The following NYAP2 variants were observed in gnomAD, a reference collection of about 807,000 sequenced individuals.
NYAP2 encodes the protein neuronal tyrosine-phosphorylated phosphoinositide-3-kinase adapter 2.
NYAP2 carries 23 observed loss-of-function variants against 50.4 expected under a neutral mutation model. That is an observed-to-expected ratio of 0.46 (90% CI 0.33 to 0.65). NYAP2 has a LOEUF of 0.65. Ranked by LOEUF, NYAP2 falls within the 30% of genes least tolerant of loss-of-function variation. The pLI is 0.02. For missense variants in NYAP2, 885 were observed against 861.0 expected, an observed-to-expected ratio of 1.03 and a Z score of -0.35; for synonymous variants, 394 against 365.2, an observed-to-expected ratio of 1.08 and a Z score of -0.90.
intron 3 of NYAP2, among the ~76,000 whole-genome samples, chr2:225,468,384 A>AT (rs1401706716): frequency 1.3e-5 from 2 of 152,196 alleles, no homozygotes; most frequent in Admixed American, 1.3e-4. Context: ...CATTTCTGTT[A>AT]TTTTAAGCCA....
At chr2:225,560,499 C>T (rs544779216) in intron 4 of NYAP2, among the ~76,000 whole-genome samples, 88 of 152,216 alleles carry the variant, frequency 5.8e-4, no homozygotes, top group African/African-American at 2.1e-3. Flanking sequence ...ATACATGATG[C>T]TAAATTGCCC....
chr2:225,538,797 T>TTC (rs1691400677), intron 4 of NYAP2, among the ~76,000 whole-genome samples: 1 of 40,530 alleles, frequency 2.5e-5, no homozygotes, highest in Non-Finnish European at 4.7e-5. Context: ...TTTCTTTCTT[T>TTC]CTTTCTTTCT....
rs930978678 is a variant in NYAP2, at chr2:225,538,631, C to A, written c.523+24959C>A. 5.3e-5 allele frequency among the ~76,000 whole-genome samples: 8 copies of A among 152,306 alleles called. No homozygotes were observed. In the South Asian group the frequency reaches 1.7e-3, roughly 32 times the overall value. On this transcript the variant is annotated intron_variant, in intron 4 of 6. Transcript: ENST00000636099. ...TCTAGGCTTGTAATGGGAGAGGTTG[C>A]TGTGAAGACCTCTGACATGCTCTGG... is the stretch of plus-strand genomic sequence containing the variant.
At chr2:225,407,674 A>G (rs377125071) in intron 2 of NYAP2, among the ~76,000 whole-genome samples, 1 of 152,130 alleles carries the variant, frequency 6.6e-6, no homozygotes, top group East Asian at 1.9e-4. Flanking sequence ...ATATTTAATA[A>G]TATCTTTCTA....
chr2:225,507,351 T>C (rs1341050891), intron 3 of NYAP2, among the ~76,000 whole-genome samples: 1 of 152,220 alleles, frequency 6.6e-6, no homozygotes, highest in Non-Finnish European at 1.5e-5. Context: ...TTTGTTTTTG[T>C]CTTCGAAAGG....
chr2:225,432,252 T>G (rs1392949927), intron 3 of NYAP2, among the ~76,000 whole-genome samples: 2 of 148,668 alleles, frequency 1.3e-5, no homozygotes, highest in Non-Finnish European at 3.0e-5. Flanking sequence ...CGCTTTAGCC[T>G]CCCAAAGTGC....
chr2:225,496,684 A>C (rs777042827), intron 3 of NYAP2, among the ~76,000 whole-genome samples: 6 of 152,104 alleles, frequency 3.9e-5, no homozygotes, highest in Non-Finnish European at 7.4e-5. Context: ...TCTTTCCAAT[A>C]AGGAAGCTGT....
At chr2:225,554,420 A>G (rs1400209547) in intron 4 of NYAP2, among the ~76,000 whole-genome samples, 8 of 151,684 alleles carry the variant, frequency 5.3e-5, no homozygotes, top group Non-Finnish European at 1.2e-4. Context: ...TCCCAGGTTC[A>G]AGAAATTCTC....
intron 3 of NYAP2, among the ~76,000 whole-genome samples, chr2:225,493,184 G>T (rs933110108): frequency 1.3e-5 from 2 of 152,076 alleles, no homozygotes; most frequent in African/African-American, 2.4e-5. Context: ...TAGGGGTCTT[G>T]CCATGTTGCC....
chr2:225,611,085 G>A (rs1692875381), intron 5 of NYAP2, among the ~76,000 whole-genome samples: 1 of 152,098 alleles, frequency 6.6e-6, no homozygotes, highest in Non-Finnish European at 1.5e-5. Context: ...AGAGAATGGG[G>A]CAGGAAGCAA....
intron 6 of NYAP2, among the ~76,000 whole-genome samples, chr2:225,640,108 C>T (rs1693500719): frequency 6.6e-6 from 1 of 152,138 alleles, no homozygotes; most frequent in African/African-American, 2.4e-5. Context: ...ACAGAGTCAG[C>T]TAATTTATGA....
At chr2:225,551,909 T>C (rs969739853) in intron 4 of NYAP2, among the ~76,000 whole-genome samples, 2 of 151,996 alleles carry the variant, frequency 1.3e-5, no homozygotes, top group African/African-American at 4.8e-5. Flanking sequence ...GCCTCCCGGG[T>C]TCAAGCAATT....
chr2:225,534,955 G>C (rs551857461), intron 4 of NYAP2, among the ~76,000 whole-genome samples: 1 of 152,306 alleles, frequency 6.6e-6, no homozygotes, highest in South Asian at 2.1e-4. Flanking sequence ...GGCAGGACTT[G>C]CTGGAAATGC....
At chr2:225,534,968 C>A (rs1418451950) in intron 4 of NYAP2, among the ~76,000 whole-genome samples, 1 of 152,152 alleles carries the variant, frequency 6.6e-6, no homozygotes, top group African/African-American at 2.4e-5. Flanking sequence ...GGAAATGCAG[C>A]CTTTGCAACT....
At chr2:225,616,214 G>A (rs925405329) in intron 5 of NYAP2, among the ~76,000 whole-genome samples, 8 of 152,154 alleles carry the variant, frequency 5.3e-5, no homozygotes, top group African/African-American at 1.9e-4. Flanking sequence ...CTGAGCTGTT[G>A]TTCTTTCTCT....
At chr2:225,702,765 CTTA>C in the NYAP2 span, 5 of 151,478 alleles carry the variant, frequency 3.3e-5, no homozygotes, top group African/African-American at 1.2e-4. Context: ...GAAAAAATGT[CTTA>C]TTATATTTCC....
intron 5 of NYAP2, among the ~76,000 whole-genome samples, chr2:225,611,615 T>C (rs1011416093): frequency 1.3e-5 from 2 of 152,030 alleles, no homozygotes; most frequent in Non-Finnish European, 2.9e-5. Context: ...AAATCATCTA[T>C]TATATCTTTT....
At chr2:225,462,292 A>C (rs1689846696) in intron 3 of NYAP2, among the ~76,000 whole-genome samples, 1 of 152,178 alleles carries the variant, frequency 6.6e-6, no homozygotes, top group African/African-American at 2.4e-5. Context: ...GAATGATGAA[A>C]ATGTGGATTT....
intron 3 of NYAP2, among the ~76,000 whole-genome samples, chr2:225,486,819 C>T (rs1165927565): frequency 6.6e-6 from 1 of 152,182 alleles, no homozygotes; most frequent in African/African-American, 2.4e-5. Flanking sequence ...GGAAAATTAT[C>T]AGATACCAGC....
Sources: allele counts gnomAD v4.1 joint callset (sites outside exome capture counted in the v4.1 genomes callset), GRCh38; gene constraint gnomAD v4.1.1; transcripts MANE v1.5; gene names NCBI Gene and HGNC (gene_info 2026-07-23, HGNC 2026-07-21).